The following RHBDF2 variants were observed in gnomAD, a reference collection of about 807,000 sequenced individuals.
RHBDF2 encodes the protein rhomboid 5 homolog 2.
RHBDF2 carries 38 observed loss-of-function variants against 95.2 expected under a neutral mutation model. That is an observed-to-expected ratio of 0.40 (90% CI 0.31 to 0.52). The LOEUF (loss-of-function observed/expected upper bound fraction) is 0.52, where lower values mean the gene tolerates loss of function less well. Ranked by LOEUF, RHBDF2 falls within the 20% of genes least tolerant of loss-of-function variation. RHBDF2 has a pLI of 0.56. For synonymous variants in RHBDF2, 442 were observed against 462.0 expected (o/e 0.96, Z 0.55); for missense variants, 863 against 1,137.7 (o/e 0.76, Z 3.47).
rs34005184 is a variant in RHBDF2, at chr17:76,474,457, G to T, written c.1380C>A (p.Arg460=). The change falls in exon 12 of 19, where the codon CGC becomes CGA. Residue 460 remains arginine (R), a synonymous_variant. Transcript: ENST00000675367. The part of the protein sequence containing the change: ...KDGQIEQLVL[R]ERDLERDSGC... Reference sequence around the variant, plus strand: ...CTGAGTCCCGCTCCAGGTCTCGCTCGCGCAGCACCAGCTGCTCGATCTGCC... The same window carrying T: ...CTGAGTCCCGCTCCAGGTCTCGCTCTCGCAGCACCAGCTGCTCGATCTGCC... 2.2e-3 allele frequency: 3,484 copies of T among 1,614,088 alleles called. 76 individuals carry two copies. In the African/African-American group the frequency reaches 0.04, roughly 19 times the overall value.
rs1054728218 is a variant in RHBDF2, at chr17:76,472,782, C to T, written c.1968G>A (p.Glu656=). The T allele has an allele frequency of 1.9e-6, 3 of 1,609,934 alleles. No individual in the cohort carries two copies. The highest frequency in any genetic ancestry group is 4.5e-5 in the East Asian group (2 of 44,696). The part of the protein sequence containing the change: ...VFQMTILRDL[E]KLAGWHRIAI... The stretch of plus-strand genomic sequence containing the variant: ...CGATACGGTGCCAGCCGGCCAGCTT[C>T]TCCAGGTCCCTCAGGATGGTCATTT... Residue 656 remains glutamate, a synonymous_variant, in exon 18 of 19, where the codon GAG becomes GAA. Transcript: ENST00000675367.
intron 6 of RHBDF2, 55 bp downstream of exon 6, chr17:76,478,751 G>A (rs750088037): frequency 1.8e-5 from 27 of 1,461,968 alleles, no homozygotes; most frequent in Non-Finnish European, 2.3e-5. Flanking sequence ...GGAAGGGAGG[G>A]GCAAGGAAGG....
intron 1 of RHBDF2, among the ~76,000 whole-genome samples, chr17:76,498,566 G>A (rs186309688): frequency 2.0e-5 from 3 of 152,330 alleles, no homozygotes; most frequent in Admixed American, 1.3e-4. Flanking sequence ...CTTGACTTCT[G>A]CTGTCATCTG....
At chr17:76,479,500 G>A (rs111265862) in intron 4 of RHBDF2, 16,569 of 774,558 alleles carry the variant, frequency 0.021, 237 homozygotes, top group Non-Finnish European at 0.026. Context: ...CCCCCACACT[G>A]ATCCACCCAG....
chr17:76,481,354 C>T (rs753018246), intron 3 of RHBDF2, 21 bp downstream of exon 3: 3 of 1,598,690 alleles, frequency 1.9e-6, no homozygotes, highest in East Asian at 2.2e-5. Context: ...GAACAGTGAG[C>T]CCCCAGGCCA....
chr17:76,491,963 C>T (rs1218507663), intron 1 of RHBDF2, among the ~76,000 whole-genome samples: 1 of 152,228 alleles, frequency 6.6e-6, no homozygotes, highest in Non-Finnish European at 1.5e-5. Flanking sequence ...TGGGACCAGG[C>T]TTCCTCCTGG....
intron 6 of RHBDF2, among the ~76,000 whole-genome samples, chr17:76,478,316 C>T (rs1041982871): frequency 1.3e-5 from 2 of 152,226 alleles, no homozygotes; most frequent in African/African-American, 2.4e-5. Flanking sequence ...GCTGAGAATG[C>T]TGTTCCCTTC....
chr17:76,485,672 C>T (rs1467016404), intron 2 of RHBDF2, among the ~76,000 whole-genome samples: 4 of 152,146 alleles, frequency 2.6e-5, no homozygotes, highest in African/African-American at 9.7e-5. Context: ...AGGAAGTGCC[C>T]GGCAGCACGG....
At chr17:76,479,349 T>TTCCTCCCCA in intron 4 of RHBDF2, 72 bp from the exon 5 acceptor site, 1 of 1,537,306 alleles carries the variant, frequency 6.5e-7, no homozygotes, top group Non-Finnish European at 8.7e-7. Context: ...GTGGAAGGGG[T>TTCCTCCCCA]GATGGCACGT....
intron 18 of RHBDF2, 41 bp downstream of exon 18, chr17:76,472,645 C>A (rs754020524): frequency 5.8e-5 from 94 of 1,612,290 alleles, no homozygotes; most frequent in Middle Eastern, 1.6e-4. Context: ...GCAGGGCTGG[C>A]CCCCTATGTG....
At position 76,496,053 on chromosome 17, in the gene RHBDF2, C is replaced by T. The variant is rs532344053; in HGVS notation, c.-220+5300G>A. ...GAGGAATAAGGGGCCAGAGATGGGA[C>T]TCAAACCTGCCTGGGCCACCTACCT... On this transcript the variant is annotated intron_variant, in intron 1 of 18. Transcript: ENST00000675367. Among the ~76,000 whole-genome samples the T allele has an allele frequency of 1.2e-4, 19 of 152,302 alleles. No homozygotes were observed. In the South Asian group the frequency reaches 3.3e-3, roughly 27 times the overall value.
Position 76,471,082 on chromosome 17 carries a change from C to T in RHBDF2, c.*551G>A, listed in dbSNP as rs2289801. Reference sequence around the variant, plus strand: ...TACCTGAGGTCTACTTGTGTCTCCCCCCTTGTTCTCTGCCCCCAGACCATG... The same window carrying T: ...TACCTGAGGTCTACTTGTGTCTCCCTCCTTGTTCTCTGCCCCCAGACCATG... On this transcript the variant is annotated 3_prime_UTR_variant, in exon 19 of 19. Coordinates refer to ENST00000675367, the MANE Select transcript of RHBDF2 (RefSeq NM_001005498.4). The T allele has an allele frequency of 0.037, 5,790 of 156,832 alleles. 177 individuals carry two copies. The highest frequency in any genetic ancestry group is 0.12 in the South Asian group (624 of 5,192). The allele number at this position is 156,832 out of a possible 1,614,324, so 9.7% of individuals were successfully genotyped here.
chr17:76,479,055 C>G, intron 5 of RHBDF2, 27 bp downstream of exon 5: 1 of 1,613,038 alleles, frequency 6.2e-7, no homozygotes, highest in Non-Finnish European at 8.5e-7. Context: ...GGTCCCCACC[C>G]CTGCCTCCTT....
At chr17:76,491,589 C>T (rs902931798) in intron 1 of RHBDF2, among the ~76,000 whole-genome samples, 62 of 152,338 alleles carry the variant, frequency 4.1e-4, no homozygotes, top group African/African-American at 1.4e-3. Flanking sequence ...GCAGCTCCAC[C>T]CTCTGGCCTC....
intron 2 of RHBDF2, among the ~76,000 whole-genome samples, chr17:76,485,357 G>A (rs2074094935): frequency 6.8e-6 from 1 of 146,274 alleles, no homozygotes; most frequent in African/African-American, 2.5e-5. Context: ...TTAGCGGTGA[G>A]CCGAAATCTC....
At chr17:76,474,200 T>C in intron 12 of RHBDF2, 58 bp from the exon 13 acceptor site, 3 of 1,380,974 alleles carry the variant, frequency 2.2e-6, no homozygotes, top group East Asian at 2.3e-5. Flanking sequence ...CCCACTGGAG[T>C]GGGCAAGGAC....
chr17:76,481,324 T>A, intron 3 of RHBDF2, 51 bp downstream of exon 3: 1 of 1,564,432 alleles, frequency 6.4e-7, no homozygotes, highest in Non-Finnish European at 8.7e-7. Context: ...GTCACGTGGG[T>A]ACATCTGTTA....
At chr17:76,499,831 G>A (rs1349947220) in intron 1 of RHBDF2, among the ~76,000 whole-genome samples, 1 of 151,960 alleles carries the variant, frequency 6.6e-6, no homozygotes, top group East Asian at 1.9e-4. Flanking sequence ...TGAGCTCAAG[G>A]GCTGCCTCAG....
In RHBDF2 at chr17:76,471,498, G is replaced by T. The variant is rs927521526; in HGVS notation, c.*135C>A. 11 of 1,015,498 alleles carry T rather than the reference G, an allele frequency of 1.1e-5. No homozygotes were observed. In the African/African-American group the frequency reaches 1.5e-4, roughly 14 times the overall value. 62.9% of individuals were successfully genotyped at this position (1,015,498 alleles called of 1,614,324 possible). A position where few individuals can be genotyped will look rare whatever the true frequency, so the allele number is the denominator to read the frequency against. On this transcript the variant is annotated 3_prime_UTR_variant, in exon 19 of 19. Transcript: ENST00000675367. ...CGGAGTCAGCCTCGCCTGGCAGGGG[G>T]GCACCCAGGTCCAGAGCCCGGGCCC...
Sources: allele counts gnomAD v4.1 joint callset (sites outside exome capture counted in the v4.1 genomes callset), GRCh38; gene constraint gnomAD v4.1.1; transcripts MANE v1.5; gene names NCBI Gene and HGNC (gene_info 2026-07-23, HGNC 2026-07-21).